Variants in AGO2 observed in about 807,000 individuals in gnomAD.
The protein encoded by AGO2 is protein argonaute-2.
In AGO2, 5 loss-of-function variants were observed where a neutral mutation model predicts 102.3. The ratio of observed to expected loss-of-function variants is 0.05; its 90% confidence interval spans 0.03 to 0.10. The LOEUF (loss-of-function observed/expected upper bound fraction) is 0.10, where lower values mean the gene tolerates loss of function less well. Ranked by LOEUF, AGO2 falls within the 10% of genes least tolerant of loss-of-function variation. The pLI is 1.00. For missense variants in AGO2, 541 were observed against 1,183.7 expected, an observed-to-expected ratio of 0.46 and a Z score of 7.97; for synonymous variants, 449 against 473.1, an observed-to-expected ratio of 0.95 and a Z score of 0.66.
rs1051034275 is a variant in AGO2 at position 140,547,775 on chromosome 8, G to A, written c.1589-148C>T. On this transcript the variant is annotated intron_variant, in intron 12 of 18. Coordinates refer to ENST00000220592, the MANE Select transcript of AGO2 (RefSeq NM_012154.5). ...GAGCTTTGCGTGTCCCCCTCTGTCC[G>A]AGGTCGGTGATAGAAGAGGGTCCCT... The A allele has an allele frequency of 9.2e-6, 11 of 1,193,832 alleles. No homozygotes were observed. In the African/African-American group the frequency reaches 9.3e-5, roughly 10 times the overall value. 74.0% of individuals were successfully genotyped at this position (1,193,832 alleles called of 1,614,324 possible). A position where few individuals can be genotyped will look rare whatever the true frequency, so the allele number is the denominator to read the frequency against.
At chr8:140,554,196 C>T (rs938999648) in intron 10 of AGO2, among the ~76,000 whole-genome samples, 4 of 152,244 alleles carry the variant, frequency 2.6e-5, no homozygotes, top group East Asian at 1.9e-4. Flanking sequence ...CTTGCCCTCC[C>T]GGGGCGTCTC....
chr8:140,568,807 G>C (rs2132965639), intron 3 of AGO2, among the ~76,000 whole-genome samples: 1 of 152,378 alleles, frequency 6.6e-6, no homozygotes, highest in Non-Finnish European at 1.5e-5. Context: ...AGCAGGTACA[G>C]GGAGTGGCTG....
chr8:140,600,629 G>A (rs554246077), intron 1 of AGO2, among the ~76,000 whole-genome samples: 3 of 151,540 alleles, frequency 2.0e-5, no homozygotes, highest in Non-Finnish European at 4.4e-5. Flanking sequence ...GCAGTGAGCC[G>A]AGATTGCACC....
At chr8:140,581,028 G>A (rs1379171968) in intron 2 of AGO2, among the ~76,000 whole-genome samples, 1 of 152,274 alleles carries the variant, frequency 6.6e-6, no homozygotes, top group East Asian at 1.9e-4. Flanking sequence ...CCTTGGCCAT[G>A]CCTAGTTTCG....
chr8:140,640,719 C>T, the AGO2 span, among the ~76,000 whole-genome samples: 1 of 152,066 alleles, frequency 6.6e-6, no homozygotes, highest in Admixed American at 6.5e-5. Context: ...CGGGGTTTCA[C>T]CATATTGGCC....
rs748022421 is a variant in AGO2, at chr8:140,562,522, C to T, written c.449G>A (p.Arg150Gln). The change falls in exon 4 of 19, where the codon CGG becomes CAG. Residue 150 changes from arginine (R) to glutamine (Q), a missense_variant. Transcript: ENST00000220592. Reference protein sequence around the residue: ...LQALHDALSGRLPSVPFETIQ... With the variant: ...LQALHDALSGQLPSVPFETIQ... ...CGTCTCAAAAGGGACGCTGGGCAGC[C>T]GCCCTGAAAGTGCATCGTGTAACGC... 8.7e-6 allele frequency: 14 copies of T among 1,613,948 alleles called. No homozygotes were observed. Among genetic ancestry groups the T allele is most frequent in the South Asian group, 6.6e-5 (6 of 91,082 alleles).
At chr8:140,641,706 C>G in the AGO2 span, among the ~76,000 whole-genome samples, 8 of 152,320 alleles carry the variant, frequency 5.3e-5, no homozygotes, top group Admixed American at 2.6e-4. Context: ...GCCTCAGCCC[C>G]CCGAGTAGCT....
rs368128915 is a variant in AGO2, at chr8:140,562,419, G to C, written c.518+34C>G. The C allele has an allele frequency of 5.7e-6, 9 of 1,586,720 alleles. No homozygotes were observed. In the African/African-American group the frequency reaches 1.2e-4, roughly 21 times the overall value. ...GGGGGGCCCTCGGAGCTGCAGGGGA[G>C]TCCCCCGCCCTTGGTCCCGTGTGGC... On this transcript the variant is annotated intron_variant, in intron 4 of 18. Transcript: ENST00000220592.
At chr8:140,552,735 C>CGCGT (rs1338657400) in intron 10 of AGO2, among the ~76,000 whole-genome samples, 3 of 130,232 alleles carry the variant, frequency 2.3e-5, no homozygotes, top group Non-Finnish European at 4.8e-5. Context: ...TGCACGCGCG[C>CGCGT]GCGCGCACAC....
intron 1 of AGO2, among the ~76,000 whole-genome samples, chr8:140,608,494 T>C (rs576820042): frequency 3.7e-4 from 57 of 152,220 alleles, no homozygotes; most frequent in African/African-American, 1.3e-3. Flanking sequence ...CCCAGCGCTA[T>C]TCAGGGCCCT....
chr8:140,609,758 C>T (rs2074051845), intron 1 of AGO2, among the ~76,000 whole-genome samples: 1 of 151,942 alleles, frequency 6.6e-6, no homozygotes, highest in Non-Finnish European at 1.5e-5. Flanking sequence ...ACTGTACAAA[C>T]AACTGAATGA....
intron 14 of AGO2, among the ~76,000 whole-genome samples, chr8:140,541,985 C>T (rs1437135497): frequency 6.6e-6 from 1 of 152,138 alleles, no homozygotes; most frequent in Non-Finnish European, 1.5e-5. Context: ...TTAATCAGTC[C>T]AAAGAAGGCA....
chr8:140,541,643 C>T (rs1408205424), intron 14 of AGO2, among the ~76,000 whole-genome samples: 2 of 152,210 alleles, frequency 1.3e-5, no homozygotes, highest in Admixed American at 6.5e-5. Flanking sequence ...GTGGCTCACA[C>T]CTGTAATCCC....
At chr8:140,612,681 G>T (rs2074096720) in intron 1 of AGO2, among the ~76,000 whole-genome samples, 1 of 151,958 alleles carries the variant, frequency 6.6e-6, no homozygotes, top group South Asian at 2.1e-4. Flanking sequence ...GAACCCAGGA[G>T]GCGGAGGTTG....
chr8:140,578,226 T>G (rs1588473855), intron 2 of AGO2, among the ~76,000 whole-genome samples: 1 of 151,812 alleles, frequency 6.6e-6, no homozygotes, highest in African/African-American at 2.4e-5. Flanking sequence ...ACACGGGGGG[T>G]CCCTTCCCTC....
chr8:140,555,810 C>A lies in AGO2; in HGVS notation c.1269+86G>T. ...TCTCCTGCATGGAACACAGTCTACACCGCGGGCGATAGCTCAGAACCTGAG... is the reference window on the plus strand; with the variant it reads ...TCTCCTGCATGGAACACAGTCTACAACGCGGGCGATAGCTCAGAACCTGAG... On this transcript the variant is annotated intron_variant, in intron 10 of 18. Coordinates refer to ENST00000220592, the MANE Select transcript of AGO2 (RefSeq NM_012154.5). The A allele has an allele frequency of 4.6e-6, 7 of 1,506,358 alleles. No individual in the cohort carries two copies. In the South Asian group the frequency reaches 8.9e-5, roughly 19 times the overall value. The allele number at this position is 1,506,358 out of a possible 1,614,324, so 93.3% of individuals were successfully genotyped here.
chr8:140,525,407 G>A lies in AGO2; in HGVS notation c.*6637C>T, dbSNP rs1224610336. On this transcript the variant is annotated 3_prime_UTR_variant, in exon 19 of 19. Coordinates refer to ENST00000220592, the MANE Select transcript of AGO2 (RefSeq NM_012154.5). ...AGCGGACCCAAGCAGCCTGTACCCT[G>A]GGCCGGCAGGCAGTGGGACACCCAC... The A allele has an allele frequency of 1.3e-5, 2 of 152,328 alleles. No individual in the cohort carries two copies. The highest frequency in any genetic ancestry group is 2.4e-5 in the African/African-American group (1 of 41,432). 9.4% of individuals were successfully genotyped at this position (152,328 alleles called of 1,614,324 possible). A position where few individuals can be genotyped will look rare whatever the true frequency, so the allele number is the denominator to read the frequency against.
At chr8:140,564,054 A>G (rs1292652134) in intron 3 of AGO2, among the ~76,000 whole-genome samples, 1 of 152,162 alleles carries the variant, frequency 6.6e-6, no homozygotes, top group Non-Finnish European at 1.5e-5. Flanking sequence ...GATGGCCCCA[A>G]ACTGGCCGCG....
chr8:140,551,884 T>A (rs972966496), intron 10 of AGO2, among the ~76,000 whole-genome samples: 3 of 145,042 alleles, frequency 2.1e-5, no homozygotes, highest in African/African-American at 7.7e-5. Flanking sequence ...GGTGGGTGGG[T>A]GGATGGCTGA....
Sources: gnomAD v4.1 joint callset for allele counts (sites outside exome capture counted in the v4.1 genomes callset) on GRCh38, gnomAD v4.1.1 for gene constraint, MANE v1.5 for transcripts, NCBI Gene and HGNC (gene_info 2026-07-23, HGNC 2026-07-21) for gene names.